The following LDB1 variants were observed in gnomAD, a reference collection of about 807,000 sequenced individuals.
LDB1 encodes the protein LIM domain-binding protein 1.
A neutral mutation model predicts 49.7 loss-of-function variants in LDB1; 6 were observed. The ratio of observed to expected loss-of-function variants is 0.12; its 90% CI spans 0.07 to 0.24. The LOEUF is 0.24. LDB1 is among the 10% of genes least tolerant of loss of function. The pLI, the probability that LDB1 is intolerant of heterozygous loss-of-function variation, is 1.00. For missense variants in LDB1, 341 were observed against 561.7 expected (o/e 0.61, Z 3.97); for synonymous variants, 233 against 202.0 (o/e 1.15, Z -1.30).
rs762616778 is a variant in LDB1, at chr10:102,111,089, G to T, written c.229C>A (p.Arg77=). 6.2e-7 allele frequency: 1 copy of T among 1,614,012 alleles called. No homozygotes were observed. Among genetic ancestry groups the T allele is most frequent in the African/African-American group, 1.3e-5 (1 of 74,906 alleles). The change falls in exon 4 of 11, where the codon CGG becomes AGG. Residue 77 remains arginine (R), a synonymous_variant. Transcript: ENST00000673968. The stretch of plus-strand genomic sequence containing the variant: ...CATACCTCTGTCCAGTTCTGAAGCC[G>T]TTTGTTAAGCTCAAATATTCTGTAG... ...TDYRIFELNK[R]LQNWTEECDN...
At chr10:102,105,409 G>A (rs2133491852), downstream of LDB1, among the ~76,000 whole-genome samples, 1 of 152,252 alleles carries the variant, frequency 6.6e-6, no homozygotes, top group Middle Eastern at 3.4e-3. Context: ...TACCAGCTAG[G>A]GAGGTGAGGG....
chr10:102,111,355 G>A lies in LDB1; in HGVS notation c.129-55C>T, dbSNP rs978650964. Reference sequence around the variant, plus strand: ...GGGTTGAAGATAGGAATTATTGGGGGCAGGGGGCTACTCCCTCCCCTTTCC... The same window carrying A: ...GGGTTGAAGATAGGAATTATTGGGGACAGGGGGCTACTCCCTCCCCTTTCC... On this transcript the variant is annotated intron_variant, in intron 2 of 10. Coordinates refer to ENST00000673968, the MANE Select transcript of LDB1 (RefSeq NM_001113407.3). 1.4e-5 allele frequency: 22 copies of A among 1,600,844 alleles called. No individual in the cohort carries two copies. The Middle Eastern group carries it at 6.6e-4, about 48-fold the overall frequency.
intron 1 of LDB1, among the ~76,000 whole-genome samples, chr10:102,119,404 G>T (rs2068379015): frequency 6.6e-6 from 1 of 151,576 alleles, no homozygotes; most frequent in African/African-American, 2.4e-5. Context: ...CCTCTCTCAA[G>T]TTCTCAGTTT....
chr10:102,110,165 T>G, intron 6 of LDB1, 122 bp from the exon 7 acceptor site: 1 of 1,071,266 alleles, frequency 9.3e-7, no homozygotes. Flanking sequence ...ACCTGCACAT[T>G]AAATCTGGGT....
At chr10:102,120,058 G>A (rs774399617) in intron 1 of LDB1, 28 bp downstream of exon 1, 4 of 1,428,762 alleles carry the variant, frequency 2.8e-6, no homozygotes, top group Non-Finnish European at 3.7e-6. Flanking sequence ...GGGCAGGAAG[G>A]GGCCGAGTGG....
Position 102,109,145 on chromosome 10 carries a change from G to A in LDB1, c.889C>T (p.Arg297Trp). Residue 297 changes from arginine to tryptophan, a missense_variant, in exon 10 of 11, where the codon CGG becomes TGG. Physicochemically the swap from Arg to Trp is moderately radical, Grantham distance 101. Coordinates refer to ENST00000673968, the MANE Select transcript of LDB1 (RefSeq NM_001113407.3). This position sits in a 1 kb window ranked among gnomAD's most constrained non-coding sequence, Gnocchi z 5.8. ...CTGCCCCCTGACATCTTCCGTTTCC[G>A]CCGTTTGCTGGGCTGCTGACGTGTG... ...EPTRQQPSKRRKRKMSGGSTM... is the reference protein window; with the variant it reads ...EPTRQQPSKRWKRKMSGGSTM... The A allele has an allele frequency of 1.2e-6, 2 of 1,614,004 alleles. No individual in the cohort carries two copies. The highest frequency in any genetic ancestry group is 1.7e-6 in the Non-Finnish European group (2 of 1,179,964).
In LDB1 at chr10:102,110,609, C is replaced by T. The variant is rs771963891; in HGVS notation, c.445G>A (p.Ala149Thr). The T allele has an allele frequency of 6.2e-7, 1 of 1,614,048 alleles. No homozygotes were observed. The highest frequency in any genetic ancestry group is 8.5e-7 in the Non-Finnish European group (1 of 1,179,968). ...LYYVLKHPKE[A>T]FHSNFVSLDC... ...AGGGACACAAAGTTGCTGTGGAATG[C>T]CTCCTTGGGGTGCTTAAGAACATAG... is the stretch of plus-strand genomic sequence containing the variant. Residue 149 changes from alanine (A) to threonine (T), a missense_variant, in exon 6 of 11, where the codon GCA (alanine) becomes ACA (threonine). Around this residue, in one of 5 missense-constraint regions of LDB1, gnomAD observed 233 missense variants for 385.7 expected, o/e 0.60. Coordinates refer to ENST00000673968, the MANE Select transcript of LDB1 (RefSeq NM_001113407.3).
intron 10 of LDB1, among the ~76,000 whole-genome samples, chr10:102,108,764 GCTGT>G (rs2068207252): frequency 6.6e-6 from 1 of 152,194 alleles, no homozygotes; most frequent in Non-Finnish European, 1.5e-5. Flanking sequence ...TGAGCCCCAA[GCTGT>G]CTGTCCTGAA....
chr10:102,118,026 A>AGGCAGGC (rs1218483220), intron 1 of LDB1, among the ~76,000 whole-genome samples: 6 of 151,914 alleles, frequency 3.9e-5, no homozygotes, highest in African/African-American at 1.5e-4. Flanking sequence ...ACAGGCAGGC[A>AGGCAGGC]GGCAGGCGGC....
intron 1 of LDB1, chr10:102,114,895 C>T (rs2068314082): frequency 4.1e-6 from 4 of 974,394 alleles, no homozygotes; most frequent in South Asian, 4.7e-5. Flanking sequence ...CTCACTCACA[C>T]TCGCACACTC....
chr10:102,107,880 C>T lies in LDB1; in HGVS notation c.*213G>A. The T allele has an allele frequency of 3.4e-6, 2 of 596,000 alleles. No individual in the cohort carries two copies. Among genetic ancestry groups the T allele is most frequent in the South Asian group, 4.0e-5 (2 of 50,344 alleles). 36.9% of individuals were successfully genotyped at this position (596,000 alleles called of 1,614,324 possible). A position where few individuals can be genotyped will look rare whatever the true frequency, so the allele number is the denominator to read the frequency against. On this transcript the variant is annotated 3_prime_UTR_variant, in exon 11 of 11. Coordinates refer to ENST00000673968, the MANE Select transcript of LDB1 (RefSeq NM_001113407.3). Reference sequence around the variant, plus strand: ...AGGCATCCACATGAGTACCCCCTCCCCCTAAAAGGCTCTGTAGAGGCCAGG... The same window carrying T: ...AGGCATCCACATGAGTACCCCCTCCTCCTAAAAGGCTCTGTAGAGGCCAGG...
intron 1 of LDB1, among the ~76,000 whole-genome samples, chr10:102,116,708 G>A (rs146761294): frequency 2.2e-4 from 33 of 152,096 alleles, no homozygotes; most frequent in African/African-American, 7.2e-4. Context: ...TGAAGCCTGC[G>A]TACCATTCCT....
intron 10 of LDB1, 139 bp downstream of exon 10, chr10:102,108,890 A>C (rs2068208769): frequency 8.9e-7 from 1 of 1,128,774 alleles, no homozygotes; most frequent in East Asian, 2.4e-5. Context: ...TCACCAGTAA[A>C]AGCAGTTAGC....
intron 3 of LDB1, 36 bp from the exon 4 acceptor site, chr10:102,111,180 G>A (rs542160145): frequency 1.9e-6 from 3 of 1,611,772 alleles, no homozygotes; most frequent in South Asian, 2.2e-5. Flanking sequence ...AGTAGGAGCG[G>A]AGCCTGCCCC....
Position 102,116,893 on chromosome 10 carries a change from A to G in LDB1, c.25+3193T>C, listed in dbSNP as rs370569264. ...CCCACTTCTCCCCCACTGCCTTTAA[A>G]CTTTCCAAAGTGCATTCACAGGCAG... On this transcript the variant is annotated intron_variant, in intron 1 of 10. Coordinates refer to ENST00000673968, the MANE Select transcript of LDB1 (RefSeq NM_001113407.3). Among the ~76,000 whole-genome samples the G allele has an allele frequency of 1.1e-3, 168 of 151,748 alleles. 4 individuals are homozygous for G. The South Asian group carries it at 0.033, about 29-fold the overall frequency.
rs766046306 is a variant in LDB1, at chr10:102,109,610, T to C, written c.722A>G (p.Asn241Ser). 4 of 1,613,752 alleles carry C rather than the reference T, an allele frequency of 2.5e-6. No homozygotes were observed. Among genetic ancestry groups the C allele is most frequent in the Admixed American group, 3.3e-5 (2 of 59,986 alleles). ...TGGTCGGAGACTCACTCGGAGGTAG[T>C]TGAGAGTGGAATTGGACAGCCCACA... The part of the protein sequence containing the change: ...TRCGLSNSTL[N>S]YLRLCVILEP... The change falls in exon 8 of 11, where the codon AAC becomes AGC. Residue 241 changes from asparagine (N) to serine (S), a missense_variant. By Grantham distance (46) the Asn-to-Ser change is conservative. Transcript: ENST00000673968. This position sits in a 1 kb window ranked among gnomAD's most constrained non-coding sequence, Gnocchi z 5.8.
intron 1 of LDB1, among the ~76,000 whole-genome samples, chr10:102,116,431 T>C (rs1280018511): frequency 1.3e-5 from 2 of 152,322 alleles, no homozygotes; most frequent in Non-Finnish European, 2.9e-5. Context: ...TCCACCCACC[T>C]TGGCCTCCCA....
chr10:102,112,764 T>C (rs562960042), intron 1 of LDB1, among the ~76,000 whole-genome samples: 2 of 152,314 alleles, frequency 1.3e-5, no homozygotes, highest in South Asian at 4.1e-4. Flanking sequence ...AAGAAGCCTA[T>C]GTTCCTCAGT....
chr10:102,104,710 C>T (rs1388682644), downstream of LDB1, among the ~76,000 whole-genome samples: 1 of 152,128 alleles, frequency 6.6e-6, no homozygotes, highest in African/African-American at 2.4e-5. Context: ...TACCTTTTCC[C>T]TTGACTATCT....
Sources: gnomAD v4.1 joint callset for allele counts (sites outside exome capture counted in the v4.1 genomes callset) on GRCh38, gnomAD v4.1.1 for gene constraint, gnomAD v4.1.1 regional missense constraint, Gnocchi (gnomAD v3.1) non-coding constraint, MANE v1.5 for transcripts, NCBI Gene and HGNC (gene_info 2026-07-23, HGNC 2026-07-21) for gene names.